The following CSMD3 variants were observed in gnomAD, a reference collection of about 807,000 sequenced individuals.
CSMD3 encodes CUB and Sushi multiple domains 3.
A neutral mutation model predicts 435.2 loss-of-function variants in CSMD3; 177 were observed. The ratio of observed to expected loss-of-function variants is 0.41; its 90% CI spans 0.36 to 0.46. CSMD3 has a LOEUF of 0.46. Ranked by LOEUF, CSMD3 falls within the 20% of genes least tolerant of loss-of-function variation. The pLI, the probability that CSMD3 is intolerant of heterozygous loss-of-function variation, is 0.34. For missense variants in CSMD3, 4,265 were observed against 4,504.6 expected (o/e 0.95, Z 1.52); for synonymous variants, 1,656 against 1,520.5 (o/e 1.09, Z -2.07).
intron 22 of CSMD3, among the ~76,000 whole-genome samples, chr8:112,605,812 C>T (rs1057309504): frequency 1.7e-4 from 26 of 152,120 alleles, no homozygotes; most frequent in African/African-American, 6.0e-4. Flanking sequence ...TACCTGTTTT[C>T]ACGGCTCATT....
At chr8:113,018,937 G>A in intron 6 of CSMD3, 130 bp downstream of exon 6, 1 of 712,406 alleles carries the variant, frequency 1.4e-6, no homozygotes, top group Non-Finnish European at 2.6e-6. Flanking sequence ...CTCAGCAACA[G>A]CATGACCATT....
At chr8:113,195,300 G>C (rs1041461945) in intron 3 of CSMD3, among the ~76,000 whole-genome samples, 1 of 147,822 alleles carries the variant, frequency 6.8e-6, no homozygotes, top group African/African-American at 2.5e-5. Context: ...TGATGTTGAA[G>C]TCTCTGGAAC....
Position 113,098,477 on chromosome 8 carries a change from G to A in CSMD3, c.917+279C>T. 4.9e-6 allele frequency: 2 copies of A among 411,226 alleles called. 1 individual carries two copies. Among genetic ancestry groups the A allele is most frequent in the South Asian group, 5.1e-5 (2 of 39,578 alleles). 25.5% of individuals were successfully genotyped at this position (411,226 alleles called of 1,614,324 possible). A position where few individuals can be genotyped will look rare whatever the true frequency, so the allele number is the denominator to read the frequency against. ...TTCCAAGACTATTCAATTAATTTGAGAGAAACCATCAAGTTTGGACTGGCA... is the reference window on the plus strand; with the variant it reads ...TTCCAAGACTATTCAATTAATTTGAAAGAAACCATCAAGTTTGGACTGGCA... On this transcript the variant is annotated intron_variant, in intron 5 of 70. Transcript: ENST00000297405.
chr8:112,716,353 A>C lies in CSMD3; in HGVS notation c.1973-26303T>G, dbSNP rs189935459. Among the ~76,000 whole-genome samples the C allele has an allele frequency of 5.9e-5, 9 of 152,328 alleles. No homozygotes were observed. In the South Asian group the frequency reaches 8.3e-4, roughly 14 times the overall value. ...CTACGAAGAGAATAAAATACCTAGG[A>C]ATACAGCTAACAGAAACGTGAAGGA... On this transcript the variant is annotated intron_variant, in intron 13 of 70. Coordinates refer to ENST00000297405, the MANE Select transcript of CSMD3 (RefSeq NM_198123.2).
At chr8:113,147,803 C>T (rs2091711761) in intron 4 of CSMD3, among the ~76,000 whole-genome samples, 2 of 151,658 alleles carry the variant, frequency 1.3e-5, no homozygotes, top group African/African-American at 2.4e-5. Context: ...AAGGCCTTAC[C>T]ATTCACACAT....
chr8:112,606,972 G>GAAAAAAAAAAAAAAAA (rs71309778), intron 22 of CSMD3, among the ~76,000 whole-genome samples: 1 of 36,644 alleles, frequency 2.7e-5, no homozygotes, highest in East Asian at 8.1e-4. Context: ...CTCAAGCTAT[G>GAAAAAAAAAAAAAAAA]AAAAAAAAAA....
At chr8:112,993,239 G>A (rs1335160079) in intron 6 of CSMD3, among the ~76,000 whole-genome samples, 1 of 151,848 alleles carries the variant, frequency 6.6e-6, no homozygotes, top group East Asian at 1.9e-4. Context: ...GAAAGAAACA[G>A]ATGCTGTGAG....
At position 113,194,337 on chromosome 8, in the gene CSMD3, T is replaced by G. The variant is rs186633612; in HGVS notation, c.515-20421A>C. On this transcript the variant is annotated intron_variant, in intron 3 of 70. Transcript: ENST00000297405. The stretch of plus-strand genomic sequence containing the variant: ...TGATTGATCAATTGATTTGTTTCAA[T>G]TGTTAATATAACACACAGAGTGTAC... Among the ~76,000 whole-genome samples the G allele has an allele frequency of 2.3e-4, 35 of 151,422 alleles. 1 individual carries two copies. In the Admixed American group the frequency reaches 2.3e-3, roughly 10 times the overall value.
intron 31 of CSMD3, among the ~76,000 whole-genome samples, chr8:112,489,854 C>A (rs555877602): frequency 1.3e-5 from 2 of 152,188 alleles, no homozygotes; most frequent in East Asian, 3.9e-4. Context: ...TCCATAATAT[C>A]ATGTCCATTT....
intron 50 of CSMD3, among the ~76,000 whole-genome samples, chr8:112,309,117 A>C (rs1278582641): frequency 6.6e-6 from 1 of 152,020 alleles, no homozygotes; most frequent in East Asian, 1.9e-4. Flanking sequence ...CAACTTTCTT[A>C]TTTGAATTTA....
At chr8:112,767,118 A>C (rs2132175461) in intron 13 of CSMD3, among the ~76,000 whole-genome samples, 1 of 152,030 alleles carries the variant, frequency 6.6e-6, no homozygotes, top group East Asian at 1.9e-4. Flanking sequence ...AAGGAGTAAT[A>C]ATATAGGAAA....
intron 45 of CSMD3, among the ~76,000 whole-genome samples, chr8:112,335,079 A>G (rs1824432675): frequency 6.6e-6 from 1 of 152,088 alleles, no homozygotes; most frequent in South Asian, 2.1e-4. Context: ...AGAAATGATT[A>G]TTTTCCAGTG....
chr8:112,859,020 G>T, intron 11 of CSMD3, 125 bp downstream of exon 11: 1 of 807,854 alleles, frequency 1.2e-6, no homozygotes, highest in Non-Finnish European at 2.0e-6. Flanking sequence ...CTGTTAAGTA[G>T]GGAATATTGC....
At chr8:112,370,126 T>TA (rs1307774458) in intron 38 of CSMD3, among the ~76,000 whole-genome samples, 1 of 151,876 alleles carries the variant, frequency 6.6e-6, no homozygotes, top group Admixed American at 6.6e-5. Flanking sequence ...TACTCAGTGA[T>TA]AATAGCCAAG....
intron 3 of CSMD3, among the ~76,000 whole-genome samples, chr8:113,256,488 G>A (rs1181276679): frequency 1.3e-5 from 2 of 152,104 alleles, no homozygotes; most frequent in East Asian, 3.9e-4. Flanking sequence ...TTTACAATGT[G>A]CTCACTAGGA....
At chr8:113,081,433 G>A (rs1250683881) in intron 5 of CSMD3, among the ~76,000 whole-genome samples, 1 of 152,064 alleles carries the variant, frequency 6.6e-6, no homozygotes, top group Non-Finnish European at 1.5e-5. Flanking sequence ...CCCCACTGCT[G>A]GAAAAAGGTA....
chr8:112,488,160 A>T (rs73700939), intron 31 of CSMD3, among the ~76,000 whole-genome samples: 2,637 of 152,250 alleles, frequency 0.017, 78 homozygotes, highest in African/African-American at 0.06. Flanking sequence ...GTCCAACTTA[A>T]GCTCTTAAAA....
chr8:112,541,815 G>A (rs1481492889), intron 27 of CSMD3, among the ~76,000 whole-genome samples: 1 of 151,614 alleles, frequency 6.6e-6, no homozygotes, highest in African/African-American at 2.4e-5. Flanking sequence ...ACCAAAGCCA[G>A]AAAAATACAT....
chr8:113,039,835 T>C (rs1333797201), intron 5 of CSMD3, among the ~76,000 whole-genome samples: 2 of 152,216 alleles, frequency 1.3e-5, no homozygotes, highest in African/African-American at 2.4e-5. Context: ...TACAATATTA[T>C]AGTACCTTCC....
Sources: allele counts gnomAD v4.1 joint callset (sites outside exome capture counted in the v4.1 genomes callset), GRCh38; gene constraint gnomAD v4.1.1; transcripts MANE v1.5; gene names NCBI Gene and HGNC (gene_info 2026-07-23, HGNC 2026-07-21).